The following MSRA variants were observed in gnomAD, a reference collection of about 807,000 sequenced individuals.
MSRA encodes the protein methionine sulfoxide reductase A, also known as mitochondrial peptide methionine sulfoxide reductase.
In MSRA, 54 loss-of-function variants were observed where a neutral mutation model predicts 31.3. The ratio of observed to expected loss-of-function variants is 1.73; its 90% CI spans 1.39 to 2.17. MSRA has a LOEUF of 2.17. Ranked by LOEUF, MSRA falls within the 30% of genes most tolerant of loss-of-function variation. The pLI, the probability that MSRA is intolerant of heterozygous loss-of-function variation, is 0.00. For missense variants in MSRA, 507 were observed against 300.9 expected (o/e 1.69, Z -5.07); for synonymous variants, 169 against 116.5 (o/e 1.45, Z -2.90).
intron 3 of MSRA, among the ~76,000 whole-genome samples, chr8:10,245,434 G>A (rs1351838055): frequency 6.6e-6 from 1 of 152,258 alleles, no homozygotes; most frequent in African/African-American, 2.4e-5. Context: ...AGCTTTTGCT[G>A]TGGAACAACC....
chr8:10,382,163 G>A (rs2129175063), intron 5 of MSRA, among the ~76,000 whole-genome samples: 1 of 152,326 alleles, frequency 6.6e-6, no homozygotes, highest in South Asian at 2.1e-4. Context: ...CTTTGGCTGT[G>A]GTTGAGCTGC....
chr8:10,161,615 A>T (rs1804650702), intron 1 of MSRA, among the ~76,000 whole-genome samples: 1 of 152,162 alleles, frequency 6.6e-6, no homozygotes, highest in East Asian at 1.9e-4. Context: ...GGTGATACTG[A>T]AAGTCCTTTT....
At chr8:10,173,946 G>C (rs1372331056) in intron 1 of MSRA, among the ~76,000 whole-genome samples, 2 of 152,206 alleles carry the variant, frequency 1.3e-5, no homozygotes, top group Admixed American at 1.3e-4. Flanking sequence ...TTGGTTGGCT[G>C]AGGTCAGCAT....
At chr8:10,392,894 A>C (rs979624429) in intron 5 of MSRA, among the ~76,000 whole-genome samples, 9 of 75,150 alleles carry the variant, frequency 1.2e-4, no homozygotes, top group Non-Finnish European at 3.0e-4. Context: ...AAAATGCAAA[A>C]AAAAAAAAAA....
chr8:10,256,496 G>T (rs1798187413), intron 3 of MSRA, among the ~76,000 whole-genome samples: 1 of 152,194 alleles, frequency 6.6e-6, no homozygotes, highest in Non-Finnish European at 1.5e-5. Context: ...GGGAGGCCTG[G>T]AGGCCTGGGT....
chr8:10,194,104 A>G (rs1266831402), intron 1 of MSRA, among the ~76,000 whole-genome samples: 1 of 152,214 alleles, frequency 6.6e-6, no homozygotes, highest in Non-Finnish European at 1.5e-5. Flanking sequence ...AACAGCACCA[A>G]GTTCCAGAAA....
chr8:10,301,287 A>G (rs957059896), intron 3 of MSRA, among the ~76,000 whole-genome samples: 2 of 152,198 alleles, frequency 1.3e-5, no homozygotes, highest in African/African-American at 4.8e-5. Context: ...AACTTAAAAC[A>G]ATTTATTAGA....
intron 1 of MSRA, among the ~76,000 whole-genome samples, chr8:10,117,288 G>C (rs1800755884): frequency 6.6e-6 from 1 of 152,154 alleles, no homozygotes; most frequent in Non-Finnish European, 1.5e-5. Flanking sequence ...TTGGAGCAGA[G>C]CACTGGGCAT....
At chr8:10,349,518 A>G (rs1803991733) in intron 5 of MSRA, among the ~76,000 whole-genome samples, 1 of 152,130 alleles carries the variant, frequency 6.6e-6, no homozygotes, top group Non-Finnish European at 1.5e-5. Flanking sequence ...TCCGCATGGC[A>G]TCTTGCACAT....
intron 5 of MSRA, among the ~76,000 whole-genome samples, chr8:10,325,042 G>C (rs1403475609): frequency 6.6e-6 from 1 of 152,166 alleles, no homozygotes; most frequent in African/African-American, 2.4e-5. Context: ...TTGCAGAACT[G>C]GGTACTGTGG....
At chr8:10,418,634 A>G (rs886118454) in intron 5 of MSRA, among the ~76,000 whole-genome samples, 2 of 152,096 alleles carry the variant, frequency 1.3e-5, no homozygotes, top group African/African-American at 4.8e-5. Context: ...CCCAAGAGAC[A>G]CTATTGTACG....
At chr8:10,057,343 C>G (rs1363914693) in intron 1 of MSRA, among the ~76,000 whole-genome samples, 2 of 152,086 alleles carry the variant, frequency 1.3e-5, no homozygotes, top group Non-Finnish European at 2.9e-5. Context: ...ACTCTGAGAA[C>G]TTGGGAATGA....
intron 5 of MSRA, among the ~76,000 whole-genome samples, chr8:10,345,281 C>G (rs1193461918): frequency 6.6e-6 from 1 of 152,176 alleles, no homozygotes; most frequent in East Asian, 1.9e-4. Flanking sequence ...GTGTAATGGT[C>G]TTCCCACCTT....
chr8:10,378,611 C>T (rs1194406537), intron 5 of MSRA, among the ~76,000 whole-genome samples: 1 of 152,144 alleles, frequency 6.6e-6, no homozygotes, highest in Non-Finnish European at 1.5e-5. Flanking sequence ...ACGTGGGCTC[C>T]TAACATCCCC....
chr8:10,165,082 G>T (rs1177761873), intron 1 of MSRA, among the ~76,000 whole-genome samples: 1 of 152,116 alleles, frequency 6.6e-6, no homozygotes, highest in Non-Finnish European at 1.5e-5. Flanking sequence ...TCAGACTCTT[G>T]GAGAGTGAAG....
chr8:10,358,616 G>A lies in MSRA; in HGVS notation c.543+38627G>A, dbSNP rs187691254. Among the ~76,000 whole-genome samples the A allele has an allele frequency of 3.7e-3, 361 of 97,508 alleles. 2 individuals are homozygous for A. The highest frequency in any genetic ancestry group is 4.8e-3 in the Non-Finnish European group (262 of 54,734). The allele number at this position is 97,508 out of a possible 152,430, so 64.0% of individuals were successfully genotyped here. A position where few individuals can be genotyped will look rare whatever the true frequency, so the allele number is the denominator to read the frequency against. On this transcript the variant is annotated intron_variant, in intron 5 of 5. Transcript: ENST00000317173. ...TTTTTTTTTTTTTTTTTTTTGAGAC[G>A]GAGTCTCGCTCTGTCGCCCAGGCTG... is the stretch of plus-strand genomic sequence containing the variant.
intron 1 of MSRA, among the ~76,000 whole-genome samples, chr8:10,089,163 G>T (rs559179937): frequency 1.2e-4 from 18 of 147,980 alleles, no homozygotes; most frequent in Admixed American, 6.7e-5. Context: ...CACACACACA[G>T]TAACTCTGAG....
At position 10,237,455 on chromosome 8, in the gene MSRA, A is replaced by G. The variant is rs141094956; in HGVS notation, c.212-7649A>G. Among the ~76,000 whole-genome samples, 49 of 152,382 alleles carry G rather than the reference A, an allele frequency of 3.2e-4. No individual in the cohort carries two copies. The East Asian group carries it at 8.1e-3, about 25-fold the overall frequency. ...GTCCAAACCAAATTACTAATATGACAAAATATTTCCAAATTCATCTAAGTT... is the reference window on the plus strand; with the variant it reads ...GTCCAAACCAAATTACTAATATGACGAAATATTTCCAAATTCATCTAAGTT... On this transcript the variant is annotated intron_variant, in intron 2 of 5. Transcript: ENST00000317173.
At chr8:10,292,952 G>T (rs996589594) in intron 3 of MSRA, among the ~76,000 whole-genome samples, 1 of 152,200 alleles carries the variant, frequency 6.6e-6, no homozygotes, top group Non-Finnish European at 1.5e-5. Context: ...AAGGGCTCCT[G>T]TAGGCCCCAG....
Sources: gnomAD v4.1 joint callset for allele counts (sites outside exome capture counted in the v4.1 genomes callset) on GRCh38, gnomAD v4.1.1 for gene constraint, MANE v1.5 for transcripts, NCBI Gene and HGNC (gene_info 2026-07-23, HGNC 2026-07-21) for gene names.